Variants in CHST9 observed in about 807,000 individuals in gnomAD.
The protein encoded by CHST9 is GalNAc-4-sulfotransferase 2.
A neutral mutation model predicts 44.4 loss-of-function variants in CHST9; 41 were observed. The observed-to-expected ratio is 0.92, with a 90% CI of 0.72 to 1.20. The LOEUF is 1.20. CHST9 is among the 50% of genes most tolerant of loss of function. The pLI is 0.00. For missense variants in CHST9, 504 were observed against 516.5 expected (o/e 0.98, Z 0.23); for synonymous variants, 171 against 178.4 (o/e 0.96, Z 0.33).
Position 27,056,307 on chromosome 18 carries a change from T to G in CHST9, c.122-7804A>C, listed in dbSNP as rs1368895381. Reference sequence around the variant, plus strand: ...TCATTTTCTGATGGTGAAGGCAGGCTCAGAATCTTTTTTCACATGCACAAG... The same window carrying G: ...TCATTTTCTGATGGTGAAGGCAGGCGCAGAATCTTTTTTCACATGCACAAG... On this transcript the variant is annotated intron_variant, in intron 2 of 5. Transcript: ENST00000618847. 2.6e-5 allele frequency among the ~76,000 whole-genome samples: 4 copies of G among 152,278 alleles called. No homozygotes were observed. In the East Asian group the frequency reaches 5.8e-4, roughly 22 times the overall value.
At chr18:27,145,990 T>TA (rs2058609063) in intron 1 of CHST9, among the ~76,000 whole-genome samples, 1 of 152,194 alleles carries the variant, frequency 6.6e-6, no homozygotes, top group African/African-American at 2.4e-5. Context: ...AAGAAATAGT[T>TA]GTTTACAAGA....
chr18:27,030,191 C>A (rs1421587759), intron 3 of CHST9, among the ~76,000 whole-genome samples: 1 of 152,116 alleles, frequency 6.6e-6, no homozygotes, highest in Non-Finnish European at 1.5e-5. Flanking sequence ...AAATGGCTAT[C>A]CCTTCAATAA....
intron 4 of CHST9, among the ~76,000 whole-genome samples, chr18:27,014,304 T>C (rs1433179887): frequency 3.3e-5 from 5 of 151,382 alleles, no homozygotes; most frequent in African/African-American, 1.2e-4. Context: ...TATGAAAAAA[T>C]ATCTAATACA....
intron 4 of CHST9, among the ~76,000 whole-genome samples, chr18:26,969,624 G>C (rs192611893): frequency 6.6e-6 from 1 of 152,306 alleles, no homozygotes; most frequent in East Asian, 1.9e-4. Context: ...ACATTAGAGA[G>C]TTGGGGAGGA....
intron 4 of CHST9, among the ~76,000 whole-genome samples, chr18:27,017,925 T>C (rs974533720): frequency 2.0e-5 from 3 of 152,230 alleles, no homozygotes; most frequent in African/African-American, 7.2e-5. Context: ...TTTATCAACT[T>C]AGTTTATCAA....
chr18:26,921,917 T>C (rs2055662462), intron 5 of CHST9, among the ~76,000 whole-genome samples: 1 of 152,220 alleles, frequency 6.6e-6, no homozygotes, highest in African/African-American at 2.4e-5. Context: ...GGAAAGTAAA[T>C]TGGCTATTTT....
intron 1 of CHST9, among the ~76,000 whole-genome samples, chr18:27,167,030 C>G (rs2058796056): frequency 6.6e-6 from 1 of 152,228 alleles, no homozygotes; most frequent in East Asian, 1.9e-4. Flanking sequence ...TTTGTTTGCA[C>G]AGATTTTCCT....
chr18:27,150,195 G>A (rs1002698817), intron 1 of CHST9, among the ~76,000 whole-genome samples: 6 of 151,154 alleles, frequency 4.0e-5, no homozygotes, highest in Non-Finnish European at 8.8e-5. Context: ...ATGCTCTTTG[G>A]GCTCTTTTTC....
At chr18:27,053,251 A>AGAAGAAGAG (rs2057602300) in intron 2 of CHST9, among the ~76,000 whole-genome samples, 1 of 110,146 alleles carries the variant, frequency 9.1e-6, no homozygotes, top group Non-Finnish European at 2.0e-5. Flanking sequence ...AAGAAGAAGA[A>AGAAGAAGAG]GAAGAAGAAG....
At chr18:27,121,719 G>A (rs1446118199) in intron 2 of CHST9, among the ~76,000 whole-genome samples, 1 of 152,196 alleles carries the variant, frequency 6.6e-6, no homozygotes, top group Non-Finnish European at 1.5e-5. Flanking sequence ...AGAGTCAAGA[G>A]AAGAAGCCAT....
At chr18:27,059,490 T>C (rs576000277) in intron 2 of CHST9, among the ~76,000 whole-genome samples, 3 of 152,332 alleles carry the variant, frequency 2.0e-5, no homozygotes, top group Admixed American at 2.0e-4. Context: ...ATTTTCTGTA[T>C]GAAGGCAACA....
intron 4 of CHST9, among the ~76,000 whole-genome samples, chr18:26,949,153 C>T (rs1429231791): frequency 6.6e-6 from 1 of 152,104 alleles, no homozygotes; most frequent in Non-Finnish European, 1.5e-5. Flanking sequence ...CAGCAATGAG[C>T]ATGTGCTGTG....
At chr18:26,996,769 T>C (rs186877140) in intron 4 of CHST9, among the ~76,000 whole-genome samples, 94 of 152,342 alleles carry the variant, frequency 6.2e-4, no homozygotes, top group African/African-American at 2.1e-3. Flanking sequence ...TGCATGGCTG[T>C]GTGCATGTAT....
rs902463703 is a variant in CHST9, at chr18:26,913,380, C to T, written c.*2879G>A. 3 of 152,034 alleles carry T rather than the reference C, an allele frequency of 2.0e-5. No homozygotes were observed. The highest frequency in any genetic ancestry group is 6.5e-5 in the Admixed American group (1 of 15,274). 9.4% of individuals were successfully genotyped at this position (152,034 alleles called of 1,614,324 possible). On this transcript the variant is annotated 3_prime_UTR_variant, in exon 6 of 6. Transcript: ENST00000618847. ...ATATTTCCAAATGTTTGAGAAAATC[C>T]GAAAACTGGATGTCCTGTACATACA...
intron 1 of CHST9, among the ~76,000 whole-genome samples, chr18:27,153,230 G>T (rs930732360): frequency 6.6e-6 from 1 of 152,114 alleles, no homozygotes; most frequent in Non-Finnish European, 1.5e-5. Context: ...AAAATAGTTG[G>T]TTCGGGAATG....
intron 2 of CHST9, among the ~76,000 whole-genome samples, chr18:27,052,884 G>C (rs1170660795): frequency 6.6e-6 from 1 of 151,856 alleles, no homozygotes; most frequent in African/African-American, 2.4e-5. Flanking sequence ...AGAACACAAG[G>C]ACACAGGGAG....
At chr18:27,003,642 C>G (rs545217183) in intron 4 of CHST9, among the ~76,000 whole-genome samples, 1 of 152,042 alleles carries the variant, frequency 6.6e-6, no homozygotes, top group African/African-American at 2.4e-5. Context: ...ACATATAGCA[C>G]TTGGTGATTT....
chr18:26,975,054 G>A (rs1277538192), intron 4 of CHST9, among the ~76,000 whole-genome samples: 3 of 152,204 alleles, frequency 2.0e-5, no homozygotes, highest in African/African-American at 7.2e-5. Context: ...CCAGAGAGCT[G>A]TTACGCGGCA....
chr18:27,019,112 C>T (rs372357356), intron 4 of CHST9, among the ~76,000 whole-genome samples: 18 of 152,280 alleles, frequency 1.2e-4, no homozygotes, highest in East Asian at 5.8e-4. Flanking sequence ...ATACGATGTA[C>T]CTCCCTCCCT....
Sources: allele counts gnomAD v4.1 joint callset (sites outside exome capture counted in the v4.1 genomes callset), GRCh38; gene constraint gnomAD v4.1.1; transcripts MANE v1.5; gene names NCBI Gene and HGNC (gene_info 2026-07-23, HGNC 2026-07-21).